Variants in AOX1 observed in about 807,000 individuals in gnomAD.
AOX1 encodes the protein aldehyde oxidase.
In AOX1, 153 loss-of-function variants were observed where a neutral mutation model predicts 169.5. The observed-to-expected ratio is 0.90, with a 90% CI of 0.79 to 1.03. The LOEUF (loss-of-function observed/expected upper bound fraction) is 1.03. AOX1 is among the 50% of genes least tolerant of loss of function. AOX1 has a pLI of 0.00. For synonymous variants in AOX1, 562 were observed against 581.9 expected, an observed-to-expected ratio of 0.97 and a Z score of 0.49; for missense variants, 1,656 against 1,663.9, an observed-to-expected ratio of 1.00 and a Z score of 0.08.
In AOX1 at chr2:200,665,785, T is replaced by G. The variant is rs188456335; in HGVS notation, c.3544-902T>G. ...TCACTAACACTGAAGACTTTAGAGC[T>G]CCTCCTCTAACCTTCAGCTGAGGCC... is the stretch of plus-strand genomic sequence containing the variant. On this transcript the variant is annotated intron_variant, in intron 31 of 34. Transcript: ENST00000374700. 1.8e-3 allele frequency among the ~76,000 whole-genome samples: 271 copies of G among 152,234 alleles called. 3 individuals carry two copies. Among genetic ancestry groups the G allele is most frequent in the Non-Finnish European group, 7.2e-4 (49 of 68,016 alleles).
chr2:200,662,115 T>G (rs111517635), intron 30 of AOX1, among the ~76,000 whole-genome samples: 29 of 152,334 alleles, frequency 1.9e-4, no homozygotes, highest in Admixed American at 1.1e-3. Flanking sequence ...GAAAACAGTT[T>G]ATTAAATTAT....
At chr2:200,660,528 G>A (rs533552488) in intron 29 of AOX1, among the ~76,000 whole-genome samples, 3 of 152,152 alleles carry the variant, frequency 2.0e-5, no homozygotes, top group Admixed American at 6.6e-5. Flanking sequence ...CCAGTAATAG[G>A]TACTCAATGG....
At chr2:200,638,109 G>T in intron 22 of AOX1, 106 bp from the exon 23 acceptor site, 1 of 915,412 alleles carries the variant, frequency 1.1e-6, no homozygotes, top group Non-Finnish European at 1.7e-6. Context: ...GTGTTGTTCT[G>T]TGAGGCGTGT....
chr2:200,586,472 C>A (rs2034033315), intron 1 of AOX1, among the ~76,000 whole-genome samples: 1 of 152,190 alleles, frequency 6.6e-6, no homozygotes, highest in Non-Finnish European at 1.5e-5. Context: ...AGTATTCTTG[C>A]CCATCAGGGG....
chr2:200,668,768 C>T lies in AOX1; in HGVS notation c.3763C>T (p.Pro1255Ser). 1 of 1,614,082 alleles carries T rather than the reference C, an allele frequency of 6.2e-7. No homozygotes were observed. The highest frequency in any genetic ancestry group is 8.5e-7 in the Non-Finnish European group (1 of 1,180,010). ...PTELHIALLP[P>S]SQNSNTLYSS... ...GGAGTTGCACATTGCTTTGTTGCCT[C>T]CTTCTCAAAACTCAAATACTCTTTA... The change falls in exon 33 of 35, where the codon CCT (proline) becomes TCT (serine). Residue 1255 changes from proline to serine, a missense_variant. By Grantham distance (74) the Pro-to-Ser change is moderately conservative (BLOSUM62 -1). Transcript: ENST00000374700.
chr2:200,679,369 G>A (rs1054060099), downstream of AOX1: 12 of 152,102 alleles, frequency 7.9e-5, no homozygotes, highest in African/African-American at 2.4e-4. Flanking sequence ...TAGAGCTGCC[G>A]TCACCACCAG....
Position 200,668,688 on chromosome 2 carries a change from T to G in AOX1, c.3683T>G (p.Leu1228Arg), listed in dbSNP as rs768035591. The change falls in exon 33 of 35, where the codon CTG (leucine) becomes CGG (arginine). Residue 1228 changes from leucine (L) to arginine (R), a missense_variant. Leu to Arg is a moderately radical substitution (Grantham distance 102). Transcript: ENST00000374700. ...CTGAATTATTCTCCCCAGGGCATTC[T>G]GCACACTCGTGGTCCAGACCAATAT... ...EELNYSPQGI[L>R]HTRGPDQYKI... 2 of 1,614,226 alleles carry G rather than the reference T, an allele frequency of 1.2e-6. No individual in the cohort carries two copies. The highest frequency in any genetic ancestry group is 3.3e-5 in the Admixed American group (2 of 60,016).
chr2:200,605,673 AATTT>A (rs2034499856), intron 10 of AOX1, 45 bp downstream of exon 10: 1 of 950,670 alleles, frequency 1.1e-6, no homozygotes, highest in Admixed American at 2.6e-5. Flanking sequence ...TGCATTAATC[AATTT>A]ATTTACCTTG....
chr2:200,588,226 A>T (rs1441226063), intron 1 of AOX1: 10 of 152,514 alleles, frequency 6.6e-5, no homozygotes, highest in African/African-American at 2.4e-4. Flanking sequence ...ACATCTGGGG[A>T]GACAGCATCC....
chr2:200,674,210 C>T (rs1350734957), downstream of AOX1, among the ~76,000 whole-genome samples: 5 of 152,176 alleles, frequency 3.3e-5, no homozygotes, highest in Admixed American at 3.3e-4. Context: ...AAAGACAGAG[C>T]TGGGTTCACA....
At chr2:200,593,689 C>G (rs112555142) in intron 2 of AOX1, among the ~76,000 whole-genome samples, 6 of 152,206 alleles carry the variant, frequency 3.9e-5, no homozygotes, top group African/African-American at 9.6e-5. Context: ...GTGGGCTACC[C>G]GACGGTGAAA....
chr2:200,627,411 T>C lies in AOX1; in HGVS notation c.2183T>C (p.Val728Ala). Residue 728 changes from valine to alanine, a missense_variant, in exon 20 of 35, where the codon GTT becomes GCT. Val to Ala is a moderately conservative substitution (Grantham distance 64, BLOSUM62 0). Coordinates refer to ENST00000374700, the MANE Select transcript of AOX1 (RefSeq NM_001159.4). ...KPERKLEYGN[V>A]DEAFKVVDQI... ...GAAAGGAAACTGGAATATGGAAATG[T>C]TGACGAAGCATTTAAAGTGGTTGAT... 1 of 1,613,906 alleles carries C rather than the reference T, an allele frequency of 6.2e-7. No homozygotes were observed. The highest frequency in any genetic ancestry group is 8.5e-7 in the Non-Finnish European group (1 of 1,179,792).
chr2:200,586,207 G>C, intron 1 of AOX1, 54 bp downstream of exon 1: 1 of 1,498,696 alleles, frequency 6.7e-7, no homozygotes, highest in East Asian at 2.6e-5. Context: ...GGCCGGGGCA[G>C]AGAGGAGCCC....
At chr2:200,594,625 G>GACA (rs935915114) in intron 2 of AOX1, among the ~76,000 whole-genome samples, 4 of 152,120 alleles carry the variant, frequency 2.6e-5, no homozygotes, top group Admixed American at 6.5e-5. Context: ...TCCTTTTAAG[G>GACA]ACACTCTTCT....
In AOX1 at chr2:200,615,861, G is replaced by A. The variant is rs536266336; in HGVS notation, c.1612-110G>A. ...TGAATAGGGTGAGTGCTTAATATAC[G>A]TGAGACTTCAGAGTAGAGATGCTTG... On this transcript the variant is annotated intron_variant, in intron 15 of 34. Coordinates refer to ENST00000374700, the MANE Select transcript of AOX1 (RefSeq NM_001159.4). The A allele has an allele frequency of 3.3e-4, 250 of 757,870 alleles. 1 individual carries two copies. Among genetic ancestry groups the A allele is most frequent in the Admixed American group, 1.5e-3 (68 of 44,652 alleles). 46.9% of individuals were successfully genotyped at this position (757,870 alleles called of 1,614,324 possible).
chr2:200,671,994 G>A (rs2036036249), downstream of AOX1, among the ~76,000 whole-genome samples: 1 of 152,136 alleles, frequency 6.6e-6, no homozygotes, highest in Non-Finnish European at 1.5e-5. Flanking sequence ...TATTACATGT[G>A]ACAACATGGA....
In AOX1 at chr2:200,628,094, C is replaced by T. The variant is rs575991261; in HGVS notation, c.2221+645C>T. 3.2e-3 allele frequency among the ~76,000 whole-genome samples: 485 copies of T among 152,156 alleles called. 7 individuals carry two copies. Among genetic ancestry groups the T allele is most frequent in the African/African-American group, 0.011 (444 of 41,494 alleles). On this transcript the variant is annotated intron_variant, in intron 20 of 34. Transcript: ENST00000374700. ...TCCAGTACAATTCCTTAACTTTTGG[C>T]TTTGAGATATTTTAAAACTTACATA... is the stretch of plus-strand genomic sequence containing the variant.
chr2:200,609,032 T>C lies in AOX1; in HGVS notation c.956T>C (p.Leu319Ser). ...GLSLAQVKDI[L>S]ADVVQKLPEE... ...AGCCTAGCCCAGGTGAAGGACATTT[T>C]GGCTGATGTAGTCCAGAAGCTTCCA... is the stretch of plus-strand genomic sequence containing the variant. The change falls in exon 11 of 35, where the codon TTG (leucine) becomes TCG (serine). Residue 319 changes from leucine to serine, a missense_variant. By Grantham distance (145) the Leu-to-Ser change is moderately radical. Coordinates refer to ENST00000374700, the MANE Select transcript of AOX1 (RefSeq NM_001159.4). The C allele has an allele frequency of 1.2e-6, 2 of 1,614,120 alleles. No individual in the cohort carries two copies. Among genetic ancestry groups the C allele is most frequent in the Non-Finnish European group, 1.7e-6 (2 of 1,179,996 alleles).
intron 28 of AOX1, among the ~76,000 whole-genome samples, 167 bp from the exon 29 acceptor site, chr2:200,659,808 ACACACACACACACACACGTG>A (rs1339037645): frequency 4.7e-5 from 7 of 149,202 alleles, no homozygotes; most frequent in African/African-American, 1.8e-4. Context: ...ACACACACAC[ACACACACACACACACACGTG>A]CACACACTCA....
Sources: allele counts gnomAD v4.1 joint callset (sites outside exome capture counted in the v4.1 genomes callset), GRCh38; gene constraint gnomAD v4.1.1; transcripts MANE v1.5; gene names NCBI Gene and HGNC (gene_info 2026-07-23, HGNC 2026-07-21).